Variants in KDM4D observed in about 807,000 individuals in gnomAD.
KDM4D encodes the protein lysine-specific demethylase 4D.
For synonymous variants in KDM4D, 254 were observed against 249.1 expected (o/e 1.02, Z -0.19); for missense variants, 427 against 674.8 (o/e 0.63, Z 4.07).
In KDM4D at chr11:94,998,017, GC is replaced by G; in HGVS notation, c.650del (p.Pro217GlnfsTer48). On this transcript the variant is annotated frameshift_variant, in exon 3 of 3. Coordinates refer to ENST00000335080, the MANE Select transcript of KDM4D (RefSeq NM_018039.3). LOFTEE classifies it low-confidence loss of function (END_TRUNC). This position sits in a 1 kb window ranked among gnomAD's most constrained non-coding sequence, Gnocchi z 6.7. ...GGGAGCCCAAAACTTGGTATGTGGT[GC>G]CCCCAGAACATGGCCAGCGCCTGGA... Reference protein sequence around the residue: ...LGEPKTWYVVPPEHGQRLERL... With the variant: ...LGEPKTWYVVXPEHGQRLERL... 1 of 1,614,202 alleles carries G rather than the reference GC, an allele frequency of 6.2e-7. No homozygotes were observed. The highest frequency in any genetic ancestry group is 1.1e-5 in the South Asian group (1 of 91,090).
chr11:94,986,898 A>C (rs1555098190), intron 2 of KDM4D, among the ~76,000 whole-genome samples: 2 of 152,262 alleles, frequency 1.3e-5, no homozygotes, highest in Admixed American at 6.5e-5. Context: ...TAATAGTCCC[A>C]AAATGAAAAC....
intron 2 of KDM4D, among the ~76,000 whole-genome samples, chr11:94,978,978 A>G (rs1416534884): frequency 6.6e-6 from 1 of 152,184 alleles, no homozygotes. Context: ...TTTTTTTAAG[A>G]TAAATTTCTC....
rs1857991540 is a variant in KDM4D at position 94,998,205 on chromosome 11, G to A, written c.833G>A (p.Gly278Asp). 4 of 1,614,162 alleles carry A rather than the reference G, an allele frequency of 2.5e-6. No individual in the cohort carries two copies. Among genetic ancestry groups the A allele is most frequent in the Non-Finnish European group, 2.5e-6 (3 of 1,180,036 alleles). The change falls in exon 3 of 3, where the codon GGC (glycine) becomes GAC (aspartate). Residue 278 changes from glycine (G) to aspartate (D), a missense_variant. Transcript: ENST00000335080. The surrounding 1 kb of genome is among the most constrained non-coding windows in gnomAD (Gnocchi z 6.7). ...AGEFMVTFPY[G>D]YHAGFNHGFN... ...GAGTTCATGGTGACCTTTCCCTATG[G>A]CTACCATGCTGGCTTCAACCATGGT...
rs1364468387 is a variant in KDM4D at position 94,999,494 on chromosome 11, A to C, written c.*550A>C. 3 of 163,334 alleles carry C rather than the reference A, an allele frequency of 1.8e-5. No individual in the cohort carries two copies. Among genetic ancestry groups the C allele is most frequent in the African/African-American group, 4.8e-5 (2 of 41,468 alleles). 10.1% of individuals were successfully genotyped at this position (163,334 alleles called of 1,614,324 possible). Reference sequence around the variant, plus strand: ...ACAGTATTTGTTCCCAAATATATTAAAGGTAACCAAAATGTTAAAATCTGA... The same window carrying C: ...ACAGTATTTGTTCCCAAATATATTACAGGTAACCAAAATGTTAAAATCTGA... On this transcript the variant is annotated 3_prime_UTR_variant, in exon 3 of 3. Transcript: ENST00000335080.
intron 2 of KDM4D, among the ~76,000 whole-genome samples, chr11:94,981,261 A>G (rs989926356): frequency 6.6e-6 from 1 of 152,164 alleles, no homozygotes; most frequent in East Asian, 1.9e-4. Flanking sequence ...GCTGGAATCA[A>G]TTTGCTCAGA....
chr11:94,978,952 A>G (rs1344273093), intron 2 of KDM4D, among the ~76,000 whole-genome samples: 1 of 152,154 alleles, frequency 6.6e-6, no homozygotes, highest in Non-Finnish European at 1.5e-5. Flanking sequence ...TGACAAATCT[A>G]AAATCATGGT....
chr11:94,985,757 A>G (rs117991500), intron 2 of KDM4D, among the ~76,000 whole-genome samples: 1 of 152,366 alleles, frequency 6.6e-6, no homozygotes, highest in East Asian at 1.9e-4. Context: ...TGAAAGTCCA[A>G]AATAAACCCT....
chr11:94,981,083 TTTTTA>T (rs1857838401), intron 2 of KDM4D, among the ~76,000 whole-genome samples: 1 of 152,132 alleles, frequency 6.6e-6, no homozygotes, highest in African/African-American at 2.4e-5. Context: ...TTGCCTACTA[TTTTTA>T]ATTTGCTGAA....
At chr11:94,978,314 C>T (rs1458895793) in intron 2 of KDM4D, among the ~76,000 whole-genome samples, 2 of 151,948 alleles carry the variant, frequency 1.3e-5, no homozygotes, top group South Asian at 4.2e-4. Flanking sequence ...AAAAAAAATG[C>T]CCACATGTCA....
At chr11:94,978,492 T>G (rs187116957) in intron 2 of KDM4D, among the ~76,000 whole-genome samples, 1 of 152,288 alleles carries the variant, frequency 6.6e-6, no homozygotes, top group East Asian at 1.9e-4. Context: ...AATCTTGATT[T>G]TAAATGAAGA....
At chr11:94,981,115 G>T (rs1339834271) in intron 2 of KDM4D, among the ~76,000 whole-genome samples, 1 of 152,014 alleles carries the variant, frequency 6.6e-6, no homozygotes, top group Non-Finnish European at 1.5e-5. Context: ...ATGAATTGAT[G>T]AATTTTATCA....
At chr11:94,977,055 CATAAT>C (rs1857803392) in intron 2 of KDM4D, among the ~76,000 whole-genome samples, 1 of 93,428 alleles carries the variant, frequency 1.1e-5, no homozygotes, top group South Asian at 2.9e-4. Flanking sequence ...TAGTGATACA[CATAAT>C]ATAAAAATCA....
At chr11:94,986,079 T>C (rs1474001273) in intron 2 of KDM4D, among the ~76,000 whole-genome samples, 1 of 152,174 alleles carries the variant, frequency 6.6e-6, no homozygotes, top group Non-Finnish European at 1.5e-5. Flanking sequence ...TCTTGTGCAC[T>C]TCGAAAGACA....
At position 94,998,730 on chromosome 11, in the gene KDM4D, G is replaced by A. The variant is rs782608673; in HGVS notation, c.1358G>A (p.Arg453His). The A allele has an allele frequency of 3.7e-6, 6 of 1,614,068 alleles. No individual in the cohort carries two copies. Among genetic ancestry groups the A allele is most frequent in the South Asian group, 3.3e-5 (3 of 91,086 alleles). Residue 453 changes from arginine to histidine, a missense_variant, in exon 3 of 3, where the codon CGT becomes CAT. By Grantham distance (29) the Arg-to-His change is conservative. Coordinates refer to ENST00000335080, the MANE Select transcript of KDM4D (RefSeq NM_018039.3). The surrounding 1 kb of genome is among the most constrained non-coding windows in gnomAD (Gnocchi z 6.7). ...IIHPSNGRRG[R>H]GRPPQKLRAQ... ...CACCCGTCAAATGGCAGACGTGGTC[G>A]TGGTCGCCCTCCTCAGAAACTGAGA...
At chr11:94,979,079 A>G (rs2134108807) in intron 2 of KDM4D, among the ~76,000 whole-genome samples, 1 of 152,306 alleles carries the variant, frequency 6.6e-6, no homozygotes, top group South Asian at 2.1e-4. Context: ...ATGTATGCTT[A>G]TTGTATTTCT....
At chr11:94,993,631 T>C (rs1296019664) in intron 2 of KDM4D, among the ~76,000 whole-genome samples, 1 of 152,028 alleles carries the variant, frequency 6.6e-6, no homozygotes, top group Non-Finnish European at 1.5e-5. Context: ...CTAGAATCCT[T>C]AGAAATGTAG....
intron 2 of KDM4D, among the ~76,000 whole-genome samples, chr11:94,988,993 G>T (rs1857911534): frequency 6.6e-6 from 1 of 152,134 alleles, no homozygotes; most frequent in African/African-American, 2.4e-5. Context: ...GCTCCAGTAA[G>T]AATATTTCTG....
intron 1 of KDM4D, among the ~76,000 whole-genome samples, chr11:94,975,340 A>G (rs1281812779): frequency 1.3e-5 from 2 of 152,102 alleles, no homozygotes; most frequent in African/African-American, 4.8e-5. Flanking sequence ...GTCTCTCAGG[A>G]GACAGCATGC....
Position 94,997,899 on chromosome 11 carries a change from A to G in KDM4D, c.527A>G (p.Asn176Ser), listed in dbSNP as rs782132320. Residue 176 changes from asparagine (N) to serine (S), a missense_variant, in exon 3 of 3, where the codon AAT becomes AGT. Physicochemically the swap from Asn to Ser is conservative, Grantham distance 46 (BLOSUM62 1). Transcript: ENST00000335080. ...TGTGGGGTTGTCATAGAAGGCGTCA[A>G]TACACCCTACTTGTACTTTGGCATG... Reference protein sequence around the residue: ...KECGVVIEGVNTPYLYFGMWK... With the variant: ...KECGVVIEGVSTPYLYFGMWK... 3.7e-6 allele frequency: 6 copies of G among 1,614,130 alleles called. No homozygotes were observed. The African/African-American group carries it at 4.0e-5, about 11-fold the overall frequency.
Sources: gnomAD v4.1 joint callset for allele counts (sites outside exome capture counted in the v4.1 genomes callset) on GRCh38, gnomAD v4.1.1 for gene constraint, Gnocchi (gnomAD v3.1) non-coding constraint, MANE v1.5 for transcripts, NCBI Gene and HGNC (gene_info 2026-07-23, HGNC 2026-07-21) for gene names.